VGLL4: variants seen among roughly 807,000 people sequenced by gnomAD.
VGLL4 encodes the protein vestigial like family member 4, also known as transcription cofactor vestigial-like protein 4.
In VGLL4, 7 loss-of-function variants were observed where a neutral mutation model predicts 21.0. That is an observed-to-expected ratio of 0.33 (90% CI 0.19 to 0.63). The LOEUF (loss-of-function observed/expected upper bound fraction) is 0.63. VGLL4 is among the 20% of genes least tolerant of loss of function. The probability of loss-of-function intolerance (pLI) is 0.78; values close to 1 mark genes in which losing one functional copy is unlikely to be tolerated. For missense variants in VGLL4, 394 were observed against 425.7 expected (o/e 0.93, Z 0.66); for synonymous variants, 222 against 173.2 (o/e 1.28, Z -2.21).
chr3:11,607,052 CAG>C (rs1450918437), intron 1 of VGLL4: 2 of 152,240 alleles, frequency 1.3e-5, no homozygotes, highest in Non-Finnish European at 2.9e-5. Context: ...TGATGAAACA[CAG>C]AGTTACCACA....
chr3:11,693,967 C>T (rs1191951058), intron 2 of VGLL4, among the ~76,000 whole-genome samples: 1 of 152,110 alleles, frequency 6.6e-6, no homozygotes, highest in Non-Finnish European at 1.5e-5. Context: ...GAATTACGCG[C>T]TTAGGTTTCA....
chr3:11,671,308 A>T, intron 2 of VGLL4: 1 of 1,574,776 alleles, frequency 6.4e-7, no homozygotes, highest in Non-Finnish European at 8.6e-7. Context: ...CACAGGACTC[A>T]GGGATTTTGT....
At chr3:11,666,802 C>G (rs2076133251) in intron 2 of VGLL4, among the ~76,000 whole-genome samples, 1 of 152,168 alleles carries the variant, frequency 6.6e-6, no homozygotes, top group South Asian at 2.1e-4. Context: ...AAAACTCCAA[C>G]CTTACAAAGA....
chr3:11,573,216 G>A (rs1406335399), intron 2 of VGLL4, among the ~76,000 whole-genome samples: 2 of 145,766 alleles, frequency 1.4e-5, no homozygotes, highest in Admixed American at 1.4e-4. Context: ...AAGAGAGAGA[G>A]AGAAAGACAG....
At chr3:11,593,659 G>C (rs963056246) in intron 2 of VGLL4, among the ~76,000 whole-genome samples, 4 of 152,194 alleles carry the variant, frequency 2.6e-5, no homozygotes, top group Non-Finnish European at 4.4e-5. Flanking sequence ...AGGAGGAAGA[G>C]GAGCTGCAAC....
chr3:11,701,523 T>C (rs1007169416), intron 2 of VGLL4, among the ~76,000 whole-genome samples: 1 of 152,162 alleles, frequency 6.6e-6, no homozygotes, highest in African/African-American at 2.4e-5. Flanking sequence ...AAGCCAACAA[T>C]GTGCCAGGAG....
At chr3:11,637,499 T>C (rs1368605597) in intron 1 of VGLL4, among the ~76,000 whole-genome samples, 3 of 152,208 alleles carry the variant, frequency 2.0e-5, no homozygotes, top group Non-Finnish European at 4.4e-5. Flanking sequence ...ATCCTATGCA[T>C]AGCAACACAT....
At chr3:11,620,920 T>C (rs1340040196) in intron 1 of VGLL4, among the ~76,000 whole-genome samples, 2 of 152,204 alleles carry the variant, frequency 1.3e-5, no homozygotes. Context: ...GATTGTCAGC[T>C]CCTCAAGAAG....
chr3:11,560,034 G>A (rs570024030), intron 3 of VGLL4, among the ~76,000 whole-genome samples: 29 of 152,022 alleles, frequency 1.9e-4, no homozygotes, highest in Non-Finnish European at 3.7e-4. Flanking sequence ...TCTGCCCTGT[G>A]CACAGCCTCA....
Position 11,560,370 on chromosome 3 carries a change from G to A in VGLL4, c.496-915C>T, listed in dbSNP as rs188937938. 5.0e-3 allele frequency among the ~76,000 whole-genome samples: 758 copies of A among 152,322 alleles called. 6 individuals are homozygous for A. Among genetic ancestry groups the A allele is most frequent in the African/African-American group, 0.018 (730 of 41,572 alleles). On this transcript the variant is annotated intron_variant, in intron 3 of 4. Coordinates refer to ENST00000430365, the MANE Select transcript of VGLL4 (RefSeq NM_001128219.3). ...CCAATACCCCCGAGGACAAGGTGGT[G>A]GAGTATGTGGGCTAAGTTCCAGGAC...
At chr3:11,660,256 A>G (rs997198130) in intron 2 of VGLL4, among the ~76,000 whole-genome samples, 5 of 152,186 alleles carry the variant, frequency 3.3e-5, no homozygotes, top group African/African-American at 4.8e-5. Flanking sequence ...GCGTGAGTTT[A>G]GGCGTGTTAC....
intron 3 of VGLL4, 149 bp from the exon 4 acceptor site, chr3:11,559,604 C>G (rs1401527632): frequency 8.0e-7 from 1 of 1,244,650 alleles, no homozygotes; most frequent in Non-Finnish European, 1.1e-6. Context: ...AGTCCTGTTG[C>G]TAAACACAGC....
chr3:11,716,302 CA>C (rs554449676), intron 1 of VGLL4, among the ~76,000 whole-genome samples: 6,963 of 60,980 alleles, frequency 0.11, 510 homozygotes, highest in African/African-American at 0.27. Flanking sequence ...AACTCTGTCT[CA>C]AAAAAAAAAA....
intron 3 of VGLL4, 89 bp downstream of exon 3, chr3:11,564,708 C>T (rs2073367924): frequency 1.4e-6 from 2 of 1,458,540 alleles, no homozygotes; most frequent in Admixed American, 2.1e-5. Flanking sequence ...CTCACCACCG[C>T]CCTCGGAGTC....
At position 11,653,574 on chromosome 3, in the gene VGLL4, A is replaced by G. The variant is rs576474911; in HGVS notation, c.64+49397T>C. On this transcript the variant is annotated intron_variant, in intron 2 of 5. Transcript: ENST00000273038. This position sits in a 1 kb window ranked among gnomAD's most constrained non-coding sequence, Gnocchi z 4.2. ...TAGTTTCTACCTGGGGGTTATTATAAATAGTGCTGCTATGAATATTCTAGT... is the reference window on the plus strand; with the variant it reads ...TAGTTTCTACCTGGGGGTTATTATAGATAGTGCTGCTATGAATATTCTAGT... 5.9e-5 allele frequency among the ~76,000 whole-genome samples: 9 copies of G among 152,164 alleles called. No homozygotes were observed. The highest frequency in any genetic ancestry group is 1.0e-4 in the Non-Finnish European group (7 of 68,024).
chr3:11,656,093 C>T (rs2075952975), intron 2 of VGLL4, among the ~76,000 whole-genome samples: 1 of 152,128 alleles, frequency 6.6e-6, no homozygotes, highest in African/African-American at 2.4e-5. Flanking sequence ...TGCGTGGTTA[C>T]AATAAAGAGA....
At chr3:11,619,366 A>C (rs567304297) in intron 1 of VGLL4, among the ~76,000 whole-genome samples, 1 of 152,150 alleles carries the variant, frequency 6.6e-6, no homozygotes, top group Admixed American at 6.5e-5. Context: ...TGGGTAACCC[A>C]AAAATATAAA....
intron 1 of VGLL4, among the ~76,000 whole-genome samples, chr3:11,714,320 G>C (rs2076889918): frequency 1.3e-5 from 2 of 152,046 alleles, no homozygotes; most frequent in South Asian, 4.2e-4. Flanking sequence ...TTATCTAAGG[G>C]GGACAAATAA....
At chr3:11,587,179 T>C (rs2074380895) in intron 2 of VGLL4, among the ~76,000 whole-genome samples, 1 of 152,172 alleles carries the variant, frequency 6.6e-6, no homozygotes, top group African/African-American at 2.4e-5. Flanking sequence ...TTGATGGTCA[T>C]CCTAAAGGAA....
Sources: gnomAD v4.1 joint callset for allele counts (sites outside exome capture counted in the v4.1 genomes callset) on GRCh38, gnomAD v4.1.1 for gene constraint, Gnocchi (gnomAD v3.1) non-coding constraint, MANE v1.5 for transcripts, NCBI Gene and HGNC (gene_info 2026-07-23, HGNC 2026-07-21) for gene names.